RAD51B: variants seen among roughly 807,000 people sequenced by gnomAD.
The protein encoded by RAD51B is RAD51 paralog B.
A neutral mutation model predicts 42.2 loss-of-function variants in RAD51B; 38 were observed. That is an observed-to-expected ratio of 0.90 (90% CI 0.70 to 1.18). The LOEUF is 1.18. Among genes scored for constraint, RAD51B ranks in the 50% most tolerant of loss-of-function variants. The pLI, the probability that RAD51B is intolerant of heterozygous loss-of-function variation, is 0.00. For synonymous variants in RAD51B, 154 were observed against 145.2 expected (o/e 1.06, Z -0.43); for missense variants, 373 against 400.7 (o/e 0.93, Z 0.59).
chr14:68,571,777 G>A (rs1889715474), intron 10 of RAD51B, among the ~76,000 whole-genome samples: 1 of 135,608 alleles, frequency 7.4e-6, no homozygotes, highest in Admixed American at 8.0e-5. Flanking sequence ...TCAGTTATTG[G>A]TTGTTTGGTG....
intron 7 of RAD51B, among the ~76,000 whole-genome samples, chr14:68,090,719 A>C (rs1426941097): frequency 6.7e-6 from 1 of 149,796 alleles, no homozygotes; most frequent in African/African-American, 2.5e-5. Context: ...TTATTATTAT[A>C]CTTTAAGTTT....
intron 7 of RAD51B, among the ~76,000 whole-genome samples, chr14:68,199,572 A>T (rs1287466703): frequency 6.6e-6 from 1 of 152,216 alleles, no homozygotes; most frequent in Non-Finnish European, 1.5e-5. Flanking sequence ...AGTGAATACC[A>T]CAAACAGTTA....
At chr14:68,411,314 A>G (rs1594798886) in intron 8 of RAD51B, 110 bp from the exon 9 acceptor site, 2 of 843,166 alleles carry the variant, frequency 2.4e-6, no homozygotes, top group South Asian at 3.1e-5. Flanking sequence ...TAATGAACTG[A>G]GCCTCCAAGT....
At chr14:68,055,029 G>A (rs1397575435) in intron 7 of RAD51B, among the ~76,000 whole-genome samples, 1 of 152,192 alleles carries the variant, frequency 6.6e-6, no homozygotes, top group African/African-American at 2.4e-5. Context: ...TGATGGTGGT[G>A]TGAAAACAGA....
At chr14:68,657,963 A>G (rs993054089) in intron 11 of RAD51B, among the ~76,000 whole-genome samples, 4 of 151,560 alleles carry the variant, frequency 2.6e-5, no homozygotes, top group African/African-American at 7.3e-5. Flanking sequence ...TTCCTCCTAC[A>G]CCTGAATCAG....
At chr14:68,168,117 G>C (rs1456433937) in intron 7 of RAD51B, among the ~76,000 whole-genome samples, 1 of 151,966 alleles carries the variant, frequency 6.6e-6, no homozygotes, top group Admixed American at 6.6e-5. Flanking sequence ...ATCACTCCTT[G>C]GGGTGGGCCA....
At position 68,101,487 on chromosome 14, in the gene RAD51B, G is replaced by A. The variant is rs778499719; in HGVS notation, c.757-190397G>A. ...GTAAATACACCCATTCCAGATGGGA[G>A]AAATTGGCTAAAATAAAGGGGCTAC... is the stretch of plus-strand genomic sequence containing the variant. On this transcript the variant is annotated intron_variant, in intron 7 of 10. Transcript: ENST00000471583. Among the ~76,000 whole-genome samples, 109 of 152,328 alleles carry A rather than the reference G, an allele frequency of 7.2e-4. 1 individual carries two copies. Among genetic ancestry groups the A allele is most frequent in the Admixed American group, 3.5e-3 (54 of 15,306 alleles).
chr14:68,584,127 T>G (rs1890342449), intron 10 of RAD51B, among the ~76,000 whole-genome samples: 1 of 152,126 alleles, frequency 6.6e-6, no homozygotes, highest in Non-Finnish European at 1.5e-5. Context: ...TCAGGGTCAT[T>G]CAGGTGTCAC....
At chr14:68,451,949 C>T (rs550644468) in intron 9 of RAD51B, among the ~76,000 whole-genome samples, 1 of 152,214 alleles carries the variant, frequency 6.6e-6, no homozygotes, top group Non-Finnish European at 1.5e-5. Context: ...TCAAGACACA[C>T]CCTCTGAGTT....
intron 10 of RAD51B, among the ~76,000 whole-genome samples, chr14:68,636,745 C>T (rs1271715363): frequency 6.6e-6 from 1 of 152,184 alleles, no homozygotes; most frequent in African/African-American, 2.4e-5. Context: ...AGGTCTCCTG[C>T]TGAAGCAGAC....
chr14:68,343,176 C>G (rs1034347818), intron 8 of RAD51B, among the ~76,000 whole-genome samples: 5 of 152,116 alleles, frequency 3.3e-5, no homozygotes, highest in Non-Finnish European at 1.5e-5. Context: ...TAACAATTTT[C>G]AAATGTACAG....
At chr14:68,190,862 AAAT>A (rs1462771812) in intron 7 of RAD51B, among the ~76,000 whole-genome samples, 1 of 152,174 alleles carries the variant, frequency 6.6e-6, no homozygotes, top group African/African-American at 2.4e-5. Context: ...CCATTGATTT[AAAT>A]AATGTCTAAT....
chr14:68,074,148 C>T (rs550880800), intron 7 of RAD51B, among the ~76,000 whole-genome samples: 1 of 152,304 alleles, frequency 6.6e-6, no homozygotes, highest in South Asian at 2.1e-4. Flanking sequence ...CTCTTTCTCT[C>T]TTTCAGGGAT....
intron 10 of RAD51B, among the ~76,000 whole-genome samples, chr14:68,494,478 C>T (rs1332185114): frequency 6.6e-6 from 1 of 152,100 alleles, no homozygotes; most frequent in Non-Finnish European, 1.5e-5. Flanking sequence ...CAAGCACCCC[C>T]GGTTGAAAAC....
chr14:68,407,874 G>A (rs774398110), intron 8 of RAD51B, among the ~76,000 whole-genome samples: 3 of 152,156 alleles, frequency 2.0e-5, no homozygotes, highest in South Asian at 2.1e-4. Flanking sequence ...GTCTGGAAGG[G>A]CAGGTGGGCG....
At chr14:68,195,035 G>T (rs774707293) in intron 7 of RAD51B, among the ~76,000 whole-genome samples, 1 of 152,090 alleles carries the variant, frequency 6.6e-6, no homozygotes, top group Non-Finnish European at 1.5e-5. Context: ...CAAGCACTGT[G>T]GTAGGACCTG....
chr14:68,452,960 A>T (rs977483959), intron 9 of RAD51B, among the ~76,000 whole-genome samples: 2 of 152,104 alleles, frequency 1.3e-5, no homozygotes, highest in Non-Finnish European at 2.9e-5. Context: ...TCCTTTTTTT[A>T]GCCCCCTATA....
chr14:68,663,496 C>T lies in RAD51B; in HGVS notation c.*11+12640C>T, dbSNP rs562420593. Among the ~76,000 whole-genome samples, 12 of 152,296 alleles carry T rather than the reference C, an allele frequency of 7.9e-5. No individual in the cohort carries two copies. The East Asian group carries it at 2.3e-3, about 29-fold the overall frequency. The stretch of plus-strand genomic sequence containing the variant: ...TCTCTTTCACTTCGCCCCCTTTACC[C>T]TTCAGGCTCCCCCCGCTGCTAGCCC... On this transcript the variant is annotated intron_variant, in intron 11 of 11. Coordinates refer to the RAD51B transcript ENST00000488612.
At chr14:68,326,028 TTTTTCTTTTC>T (rs1214362658) in intron 8 of RAD51B, among the ~76,000 whole-genome samples, 1 of 15,176 alleles carries the variant, frequency 6.6e-5, no homozygotes, top group African/African-American at 3.5e-4. Context: ...GTTGTTATTC[TTTTTCTTTTC>T]TTTTTTTTTT....
Sources: gnomAD v4.1 joint callset for allele counts (sites outside exome capture counted in the v4.1 genomes callset) on GRCh38, gnomAD v4.1.1 for gene constraint, MANE v1.5 for transcripts, NCBI Gene and HGNC (gene_info 2026-07-23, HGNC 2026-07-21) for gene names.